Variants in AGPAT3 observed in about 807,000 individuals in gnomAD.
AGPAT3 encodes the protein 1-acyl-sn-glycerol-3-phosphate acyltransferase gamma.
Under a neutral mutation model 47.3 loss-of-function variants are expected in AGPAT3, and 5 were observed. The observed-to-expected ratio is 0.11, with a 90% CI of 0.06 to 0.22. AGPAT3 has a LOEUF of 0.22. Among genes scored for constraint, AGPAT3 ranks in the 10% least tolerant of loss-of-function variants. The pLI is 1.00. For synonymous variants in AGPAT3, 212 were observed against 208.3 expected, an observed-to-expected ratio of 1.02 and a Z score of -0.15; for missense variants, 315 against 493.0, an observed-to-expected ratio of 0.64 and a Z score of 3.42.
intron 1 of AGPAT3, among the ~76,000 whole-genome samples, chr21:43,894,217 CTTTTTTT>C (rs11370715): frequency 7.1e-6 from 1 of 140,230 alleles, no homozygotes; most frequent in Admixed American, 7.0e-5. Context: ...TTCTTTCTTT[CTTTTTTT>C]TTTTTTTTTA....
At chr21:43,943,433 G>A (rs1247603352) in intron 2 of AGPAT3, among the ~76,000 whole-genome samples, 1 of 152,100 alleles carries the variant, frequency 6.6e-6, no homozygotes, top group Non-Finnish European at 1.5e-5. Flanking sequence ...CCGTCCCATA[G>A]GATTTTATCG....
At chr21:43,915,942 T>C (rs906844527) in intron 2 of AGPAT3, among the ~76,000 whole-genome samples, 10 of 152,210 alleles carry the variant, frequency 6.6e-5, no homozygotes, top group African/African-American at 2.2e-4. Flanking sequence ...AATTTTCCTC[T>C]AAAGCACTGC....
At chr21:43,919,562 G>C (rs188402643) in intron 2 of AGPAT3, among the ~76,000 whole-genome samples, 1 of 152,304 alleles carries the variant, frequency 6.6e-6, no homozygotes, top group Non-Finnish European at 1.5e-5. Context: ...GCTTTAGGTT[G>C]GTTCTGTATC....
chr21:43,970,121 C>A lies in AGPAT3; in HGVS notation c.511-532C>A, dbSNP rs370133635. Among the ~76,000 whole-genome samples, 18 of 152,008 alleles carry A rather than the reference C, an allele frequency of 1.2e-4. 1 individual carries two copies. Among genetic ancestry groups the A allele is most frequent in the African/African-American group, 4.1e-4 (17 of 41,412 alleles). On this transcript the variant is annotated intron_variant, in intron 5 of 9. Coordinates refer to ENST00000291572, the MANE Select transcript of AGPAT3 (RefSeq NM_020132.5). The surrounding 1 kb of genome is among the most constrained non-coding windows in gnomAD (Gnocchi z 5.8). ...CCTCCCGGGTTCCAGCAGTTCTCCT[C>A]TCTCAGCCTCCAAGTTGCTGGGATT...
Position 43,982,475 on chromosome 21 carries a change from C to T in AGPAT3, c.*83C>T. On this transcript the variant is annotated 3_prime_UTR_variant, in exon 10 of 10. Transcript: ENST00000291572. The surrounding 1 kb of genome is among the most constrained non-coding windows in gnomAD (Gnocchi z 6.2). ...CCAACACACAGAGTGCAGGAAAAGA[C>T]AATTAGAAACTATTTTTCTTATTAA... 1.0e-6 allele frequency: 1 copy of T among 998,422 alleles called. No individual in the cohort carries two copies. The allele number at this position is 998,422 out of a possible 1,614,324, so 61.8% of individuals were successfully genotyped here.
intron 1 of AGPAT3, among the ~76,000 whole-genome samples, chr21:43,900,221 GA>G (rs1160165721): frequency 2.6e-5 from 4 of 152,240 alleles, no homozygotes; most frequent in Non-Finnish European, 4.4e-5. Flanking sequence ...GAACACCTGT[GA>G]GGTCCACTGG....
At chr21:43,978,742 C>T (rs2146908382) in intron 8 of AGPAT3, among the ~76,000 whole-genome samples, 1 of 152,314 alleles carries the variant, frequency 6.6e-6, no homozygotes, top group African/African-American at 2.4e-5. Context: ...AGGTATGTAA[C>T]AGACATAGAT....
At chr21:43,974,134 G>A (rs2089505904) in intron 7 of AGPAT3, among the ~76,000 whole-genome samples, 2 of 151,918 alleles carry the variant, frequency 1.3e-5, no homozygotes, top group Admixed American at 6.6e-5. Context: ...ATGTGTGCAT[G>A]TGTGGTGTAC....
intron 2 of AGPAT3, among the ~76,000 whole-genome samples, chr21:43,949,458 C>G (rs1017865586): frequency 2.6e-5 from 4 of 152,226 alleles, no homozygotes; most frequent in Non-Finnish European, 5.9e-5. Flanking sequence ...GCCCAAGCCA[C>G]CACCTCTGAT....
intron 2 of AGPAT3, among the ~76,000 whole-genome samples, chr21:43,940,360 G>C (rs2087614244): frequency 6.6e-6 from 1 of 152,220 alleles, no homozygotes. Flanking sequence ...CGGGGGCCTG[G>C]GCAGTCCTGG....
At chr21:43,963,679 G>A (rs917220776) in intron 3 of AGPAT3, among the ~76,000 whole-genome samples, 4 of 139,980 alleles carry the variant, frequency 2.9e-5, no homozygotes, top group Non-Finnish European at 6.0e-5. Flanking sequence ...CTGCACTCCA[G>A]CCTGGGTGAC....
rs1452363694 is a variant in AGPAT3, at chr21:43,920,205, C to T, written c.-49+16186C>T. 1.4e-5 allele frequency among the ~76,000 whole-genome samples: 1 copy of T among 73,134 alleles called. No individual in the cohort carries two copies. Among genetic ancestry groups the T allele is most frequent in the African/African-American group, 4.8e-5 (1 of 20,986 alleles). The allele number at this position is 73,134 out of a possible 152,430, so 48.0% of individuals were successfully genotyped here. A position where few individuals can be genotyped will look rare whatever the true frequency, so the allele number is the denominator to read the frequency against. On this transcript the variant is annotated intron_variant, in intron 2 of 9. Transcript: ENST00000291572. This position sits in a 1 kb window ranked among gnomAD's most constrained non-coding sequence, Gnocchi z 6.1. The stretch of plus-strand genomic sequence containing the variant: ...GCTGGGACACTCATCATGTCTTCAG[C>T]CCTGTGTGTGTGTGTGTGAGAGATT...
At chr21:43,875,067 G>A (rs1427123305) in intron 1 of AGPAT3, among the ~76,000 whole-genome samples, 8 of 152,102 alleles carry the variant, frequency 5.3e-5, no homozygotes, top group Admixed American at 3.9e-4. Flanking sequence ...TGTAACCTCC[G>A]CCTCCCAGGT....
intron 1 of AGPAT3, among the ~76,000 whole-genome samples, chr21:43,903,251 AGCGGGGATG>A (rs2086399328): frequency 6.6e-6 from 1 of 152,198 alleles, no homozygotes; most frequent in South Asian, 2.1e-4. Context: ...GCCAGGGGCT[AGCGGGGATG>A]GGGAGTAGGT....
chr21:43,980,296 A>C (rs1433039537), intron 8 of AGPAT3, among the ~76,000 whole-genome samples: 2 of 151,402 alleles, frequency 1.3e-5, no homozygotes, highest in African/African-American at 4.9e-5. Context: ...AAAAAACAAA[A>C]AAAAACGAGA....
intron 2 of AGPAT3, among the ~76,000 whole-genome samples, chr21:43,937,697 A>G (rs539789114): frequency 1.6e-4 from 25 of 152,296 alleles, no homozygotes; most frequent in African/African-American, 5.8e-4. Flanking sequence ...TGCTGGAATT[A>G]CAGGCGTGAG....
chr21:43,916,059 C>G (rs969168538), intron 2 of AGPAT3, among the ~76,000 whole-genome samples: 1 of 151,650 alleles, frequency 6.6e-6, no homozygotes, highest in Non-Finnish European at 1.5e-5. Context: ...TGTAGAAAAC[C>G]CTGTTTTCTG....
At chr21:43,890,287 G>A (rs1019018799) in intron 1 of AGPAT3, among the ~76,000 whole-genome samples, 2 of 152,140 alleles carry the variant, frequency 1.3e-5, no homozygotes, top group Admixed American at 6.5e-5. Flanking sequence ...TCTGCTTCCC[G>A]CTTTGCCTCC....
chr21:43,914,695 C>G (rs1371367036), intron 2 of AGPAT3, among the ~76,000 whole-genome samples: 2 of 151,998 alleles, frequency 1.3e-5, no homozygotes, highest in East Asian at 1.9e-4. Context: ...TGTGCCCCAC[C>G]ACGCCCAACT....
Sources: gnomAD v4.1 joint callset for allele counts (sites outside exome capture counted in the v4.1 genomes callset) on GRCh38, gnomAD v4.1.1 for gene constraint, Gnocchi (gnomAD v3.1) non-coding constraint, MANE v1.5 for transcripts, NCBI Gene and HGNC (gene_info 2026-07-23, HGNC 2026-07-21) for gene names.